USP25: variants seen among roughly 807,000 people sequenced by gnomAD.
USP25 encodes ubiquitin carboxyl-terminal hydrolase 25.
In USP25, 85 loss-of-function variants were observed where a neutral mutation model predicts 158.5. That is an observed-to-expected ratio of 0.54 (90% confidence interval 0.45 to 0.64). The LOEUF is 0.64. Among genes scored for constraint, USP25 ranks in the 30% least tolerant of loss-of-function variants. USP25 has a pLI of 0.00. For synonymous variants in USP25, 464 were observed against 460.4 expected (o/e 1.01, Z -0.10); for missense variants, 1,242 against 1,327.3 (o/e 0.94, Z 1.00).
chr21:15,825,123 T>C (rs1568854510), intron 12 of USP25, 62 bp downstream of exon 12: 1 of 1,264,530 alleles, frequency 7.9e-7, no homozygotes, highest in Non-Finnish European at 1.1e-6. Flanking sequence ...GGTGACTAGA[T>C]TTTTAATTTC....
chr21:15,742,816 C>T (rs745467823), intron 1 of USP25, among the ~76,000 whole-genome samples: 2 of 152,228 alleles, frequency 1.3e-5, no homozygotes, highest in Non-Finnish European at 2.9e-5. Context: ...TCTGCCTGCT[C>T]GGCCCAGCAG....
intron 9 of USP25, among the ~76,000 whole-genome samples, chr21:15,815,124 G>T (rs562925440): frequency 1.3e-5 from 2 of 152,174 alleles, no homozygotes; most frequent in South Asian, 4.1e-4. Flanking sequence ...GTTTCAGAGG[G>T]TGCAAGCCCC....
At chr21:15,841,473 A>G (rs886244643) in intron 17 of USP25, among the ~76,000 whole-genome samples, 2 of 152,026 alleles carry the variant, frequency 1.3e-5, no homozygotes, top group Admixed American at 6.6e-5. Context: ...CTCCACTCTC[A>G]TACTGTAGTC....
chr21:15,753,536 C>T (rs74812085), intron 1 of USP25, among the ~76,000 whole-genome samples: 1 of 152,104 alleles, frequency 6.6e-6, no homozygotes, highest in South Asian at 2.1e-4. Context: ...GTGAGATTGA[C>T]AGGACCAGAA....
chr21:15,786,345 G>A (rs1345630058), intron 4 of USP25, among the ~76,000 whole-genome samples: 2 of 151,974 alleles, frequency 1.3e-5, no homozygotes, highest in Non-Finnish European at 2.9e-5. Context: ...AAAGAAACAG[G>A]CCAATATCCC....
At chr21:15,790,756 G>A (rs2035547163) in intron 4 of USP25, among the ~76,000 whole-genome samples, 1 of 150,516 alleles carries the variant, frequency 6.6e-6, no homozygotes, top group African/African-American at 2.4e-5. Context: ...TTCCAGTTAT[G>A]ATTATACTTA....
intron 18 of USP25, among the ~76,000 whole-genome samples, chr21:15,846,105 T>C (rs1256654963): frequency 1.5e-5 from 2 of 134,318 alleles, no homozygotes; most frequent in Non-Finnish European, 3.1e-5. Flanking sequence ...GATTTTGATA[T>C]ATGTGTGTGT....
At chr21:15,866,417 G>C in intron 22 of USP25, 73 bp downstream of exon 22, 1 of 1,182,002 alleles carries the variant, frequency 8.5e-7, no homozygotes, top group Non-Finnish European at 1.1e-6. Context: ...TTTCGTTTCA[G>C]CCCAACTGAA....
At chr21:15,745,883 G>A (rs2032514762) in intron 1 of USP25, among the ~76,000 whole-genome samples, 1 of 152,192 alleles carries the variant, frequency 6.6e-6, no homozygotes, top group Admixed American at 6.5e-5. Context: ...TCATTTCTGT[G>A]TGTGTTCTGA....
intron 20 of USP25, among the ~76,000 whole-genome samples, chr21:15,856,053 A>G (rs1411548202): frequency 3.3e-5 from 5 of 152,176 alleles, no homozygotes. Flanking sequence ...GTTGATGGAC[A>G]TGCTAAAAAG....
At chr21:15,851,277 ACCT>A (rs1188841104) in intron 20 of USP25, among the ~76,000 whole-genome samples, 1 of 152,126 alleles carries the variant, frequency 6.6e-6, no homozygotes, top group East Asian at 1.9e-4. Context: ...ATAAATAATC[ACCT>A]AATTGTATAT....
intron 4 of USP25, among the ~76,000 whole-genome samples, chr21:15,781,576 A>G (rs1265789637): frequency 6.6e-6 from 1 of 152,128 alleles, no homozygotes; most frequent in Non-Finnish European, 1.5e-5. Context: ...GACTGAGGAA[A>G]TGCCCTGGAG....
intron 5 of USP25, 50 bp from the exon 6 acceptor site, chr21:15,799,707 T>C (rs758880848): frequency 2.1e-5 from 27 of 1,309,644 alleles, no homozygotes; most frequent in Non-Finnish European, 4.3e-6. Context: ...TTTTACATTC[T>C]GCTAATGGAA....
At chr21:15,781,508 A>G (rs1323139050) in intron 4 of USP25, among the ~76,000 whole-genome samples, 1 of 152,200 alleles carries the variant, frequency 6.6e-6, no homozygotes, top group Non-Finnish European at 1.5e-5. Context: ...TTGCTTGGCT[A>G]TCATTTCCCT....
At chr21:15,780,603 A>G (rs1398639480) in intron 4 of USP25, among the ~76,000 whole-genome samples, 2 of 152,232 alleles carry the variant, frequency 1.3e-5, no homozygotes, top group Non-Finnish European at 2.9e-5. Context: ...AAGAAGTAGT[A>G]GACTACAGAT....
At chr21:15,868,061 A>G (rs1185583064) in intron 22 of USP25, among the ~76,000 whole-genome samples, 1 of 152,190 alleles carries the variant, frequency 6.6e-6, no homozygotes, top group Non-Finnish European at 1.5e-5. Flanking sequence ...TCTGACAAGC[A>G]AGTTAGTGAA....
At chr21:15,797,564 C>A (rs960502332) in intron 5 of USP25, among the ~76,000 whole-genome samples, 5 of 151,222 alleles carry the variant, frequency 3.3e-5, no homozygotes, top group African/African-American at 1.2e-4. Flanking sequence ...TGAAATAATT[C>A]TTCACCAGCA....
intron 20 of USP25, among the ~76,000 whole-genome samples, chr21:15,851,038 C>G (rs917849865): frequency 4.6e-5 from 7 of 151,764 alleles, no homozygotes; most frequent in Non-Finnish European, 8.8e-5. Flanking sequence ...TTTATAGTTT[C>G]TAGGTTTCTA....
intron 1 of USP25, among the ~76,000 whole-genome samples, chr21:15,754,581 C>G (rs1003853174): frequency 6.6e-6 from 1 of 152,182 alleles, no homozygotes; most frequent in African/African-American, 2.4e-5. Context: ...CCTACATGTG[C>G]AGAGACCTTT....
Sources: allele counts gnomAD v4.1 joint callset (sites outside exome capture counted in the v4.1 genomes callset), GRCh38; gene constraint gnomAD v4.1.1; transcripts MANE v1.5; gene names NCBI Gene and HGNC (gene_info 2026-07-23, HGNC 2026-07-21).